The following TAF1C variants were observed in gnomAD, a reference collection of about 807,000 sequenced individuals.
TAF1C encodes TATA-box binding protein associated factor, RNA polymerase I subunit C, also known as TATA box-binding protein-associated factor RNA polymerase I subunit C.
TAF1C carries 79 observed loss-of-function variants against 70.5 expected under a neutral mutation model. The observed-to-expected ratio is 1.12, with a 90% confidence interval of 0.93 to 1.35. The LOEUF (loss-of-function observed/expected upper bound fraction) is 1.35. TAF1C is among the 40% of genes most tolerant of loss of function. TAF1C has a pLI of 0.00. For missense variants in TAF1C, 1,412 were observed against 1,127.8 expected (o/e 1.25, Z -3.61); for synonymous variants, 614 against 491.1 (o/e 1.25, Z -3.31).
At position 84,178,428 on chromosome 16, in the gene TAF1C, C is replaced by T. The variant is rs1337926860; in HGVS notation, c.*513G>A. The T allele has an allele frequency of 2.2e-6, 1 of 458,060 alleles. No homozygotes were observed. Among genetic ancestry groups the T allele is most frequent in the Admixed American group, 2.3e-5 (1 of 42,610 alleles). 28.4% of individuals were successfully genotyped at this position (458,060 alleles called of 1,614,324 possible). ...TTAGTCCCTGAACCTGGATCCAAGG[C>T]ATCTCCCTGTAGGAAACATCAGACC... On this transcript the variant is annotated 3_prime_UTR_variant, in exon 15 of 15. Transcript: ENST00000566732.
chr16:84,182,089 G>C lies in TAF1C; in HGVS notation c.722-31C>G. The C allele has an allele frequency of 1.9e-6, 3 of 1,605,782 alleles. No homozygotes were observed. The highest frequency in any genetic ancestry group is 1.7e-4 in the Middle Eastern group (1 of 6,024). ...CCTCTCACTAAGGATCAGTGCACGA[G>C]CTATGATCACTGCAAGCCCCCCAAA... On this transcript the variant is annotated intron_variant, in intron 7 of 14. Transcript: ENST00000566732. This position sits in a 1 kb window ranked among gnomAD's most constrained non-coding sequence, Gnocchi z 5.0.
At chr16:84,185,093 A>C in intron 1 of TAF1C, 33 bp from the exon 2 acceptor site, 1 of 1,376,380 alleles carries the variant, frequency 7.3e-7, no homozygotes, top group Non-Finnish European at 9.8e-7. Context: ...CGGGAAGCAT[A>C]TGTTCTTTGA....
Position 84,179,061 on chromosome 16 carries a change from G to A in TAF1C, c.2412C>T (p.Gly804=), listed in dbSNP as rs1597525709. 1.9e-6 allele frequency: 3 copies of A among 1,610,808 alleles called. No homozygotes were observed. Among genetic ancestry groups the A allele is most frequent in the Middle Eastern group, 3.3e-4 (2 of 6,056 alleles). ...AKLPPQRDTP[G]CATTPPHSQA... ...GGGAGTGGGGAGGTGTGGTGGCACA[G>A]CCTGGGGTGTCCCTCTGGGGTGGTA... Residue 804 remains glycine (G), a synonymous_variant, in exon 15 of 15, where the codon GGC becomes GGT. Transcript: ENST00000566732.
rs1470579518 is a variant in TAF1C at position 84,183,065 on chromosome 16, C to A, written c.482+11G>T. ...GCCTATCCATCTCCTCCTTTCTCAT[C>A]AGCCACTTGCCCCCAGGGCTGGTGT... On this transcript the variant is annotated intron_variant, in intron 6 of 14. Coordinates refer to ENST00000566732, the MANE Select transcript of TAF1C (RefSeq NM_001243156.2). The A allele has an allele frequency of 4.3e-6, 7 of 1,613,928 alleles. No homozygotes were observed. The highest frequency in any genetic ancestry group is 2.7e-5 in the African/African-American group (2 of 74,926).
rs1447521927 is a variant in TAF1C at position 84,179,289 on chromosome 16, G to C, written c.2184C>G (p.Thr728=). The C allele has an allele frequency of 1.3e-6, 2 of 1,592,824 alleles. No homozygotes were observed. Among genetic ancestry groups the C allele is most frequent in the Non-Finnish European group, 1.7e-6 (2 of 1,175,620 alleles). Residue 728 remains threonine, a synonymous_variant, in exon 15 of 15, where the codon ACC becomes ACG. Coordinates refer to ENST00000566732, the MANE Select transcript of TAF1C (RefSeq NM_001243156.2). The stretch of plus-strand genomic sequence containing the variant: ...TGAGCGAAAAGCTGCTGGACAGCTG[G>C]GTCCGGCGCTTGGGCCGCCTGGTCT... ...GRQTRRPKRR[T]QLSSSFSLSG... is the part of the protein sequence containing the mutation.
rs1240939729 is a variant in TAF1C at position 84,178,735 on chromosome 16, C to T, written c.*206G>A. On this transcript the variant is annotated 3_prime_UTR_variant, in exon 15 of 15. Transcript: ENST00000566732. ...CCTGCCTTGCGGGATGATCTTCAGG[C>T]GAATATACAAAATACAAAAGAAACT... is the stretch of plus-strand genomic sequence containing the variant. The T allele has an allele frequency of 2.0e-5, 12 of 612,848 alleles. No homozygotes were observed. The highest frequency in any genetic ancestry group is 4.4e-4 in the Middle Eastern group (1 of 2,272). The allele number at this position is 612,848 out of a possible 1,614,324, so 38.0% of individuals were successfully genotyped here. A position where few individuals can be genotyped will look rare whatever the true frequency, so the allele number is the denominator to read the frequency against.
chr16:84,179,994 G>C lies in TAF1C; in HGVS notation c.1573C>G (p.Pro525Ala). The C allele has an allele frequency of 1.9e-6, 3 of 1,612,462 alleles. No individual in the cohort carries two copies. The highest frequency in any genetic ancestry group is 2.5e-6 in the Non-Finnish European group (3 of 1,179,902). Residue 525 changes from proline to alanine, a missense_variant, in exon 14 of 15, where the codon CCT becomes GCT. Coordinates refer to ENST00000566732, the MANE Select transcript of TAF1C (RefSeq NM_001243156.2). ...DSLPAFPLLE[P>A]KIQWRLQERL... ...TCCTGCAGCCGCCACTGGATCTTAG[G>C]CTCCAGCAGAGGAAATGCAGGGAGG...
In TAF1C at chr16:84,183,197, T is replaced by A. The variant is rs1418902235; in HGVS notation, c.408+47A>T. 2.5e-6 allele frequency: 4 copies of A among 1,613,786 alleles called. No individual in the cohort carries two copies. The African/African-American group carries it at 4.0e-5, about 16-fold the overall frequency. On this transcript the variant is annotated intron_variant, in intron 5 of 14. Coordinates refer to ENST00000566732, the MANE Select transcript of TAF1C (RefSeq NM_001243156.2). ...GCTCACACACCCTCGAGTTCACCCC[T>A]GAAGGACAGCAGGGAGTCCCCACCC...
Position 84,183,277 on chromosome 16 carries a change from C to G in TAF1C, c.375G>C (p.Leu125=), listed in dbSNP as rs576077994. ...CCTCCAGCTTGAAATTCTCCAGCAT[C>G]AGCTTCCCCAGGGGCGCAAAGGCTA... ...GDVAFAPLGK[L]MLENFKLEGA... is the part of the protein sequence containing the mutation. The change falls in exon 5 of 15, where the codon CTG becomes CTC. Residue 125 remains leucine (L), a synonymous_variant. Transcript: ENST00000566732. The G allele has an allele frequency of 3.1e-6, 5 of 1,613,924 alleles. No homozygotes were observed. The highest frequency in any genetic ancestry group is 4.2e-6 in the Non-Finnish European group (5 of 1,180,046).
rs867567705 is a variant in TAF1C, at chr16:84,183,299, G to A, written c.353C>T (p.Ala118Val). ...SRFLLDHGDV[A>V]FAPLGKLMLE... The stretch of plus-strand genomic sequence containing the variant: ...CATCAGCTTCCCCAGGGGCGCAAAG[G>A]CTACGTCTCCATGATCCAAGAGGAA... Residue 118 changes from alanine (A) to valine (V), a missense_variant, in exon 5 of 15, where the codon GCC becomes GTC. Coordinates refer to ENST00000566732, the MANE Select transcript of TAF1C (RefSeq NM_001243156.2). 6.2e-7 allele frequency: 1 copy of A among 1,613,938 alleles called. No individual in the cohort carries two copies. Among genetic ancestry groups the A allele is most frequent in the Admixed American group, 1.7e-5 (1 of 60,012 alleles).
rs1374158967 is a variant in TAF1C, at chr16:84,184,972, G to C, written c.17C>G (p.Ser6Cys). 1.5e-5 allele frequency: 25 copies of C among 1,613,464 alleles called. No individual in the cohort carries two copies. The highest frequency in any genetic ancestry group is 2.0e-5 in the Non-Finnish European group (24 of 1,179,780). MDFPS[S>C]LRPALFLTGP... is the part of the protein sequence containing the mutation. ...GGTCAGAAACAATGCAGGGCGGAGG[G>C]AGCTGGGGAAGTCCATCCTGGAAAC... Residue 6 changes from serine (S) to cysteine (C), a missense_variant, in exon 2 of 15, where the codon TCC becomes TGC. Transcript: ENST00000566732.
rs746085316 is a variant in TAF1C at position 84,180,206 on chromosome 16, C to T, written c.1447G>A (p.Gly483Ser). ...PSCVQPLLLG[G>S]QGGQLQLLHL... Reference sequence around the variant, plus strand: ...AGCAGCTGCAGCTGCCCACCCTGGCCTCCGAGGAGCAGGGGCTGCACGCAG... The same window carrying T: ...AGCAGCTGCAGCTGCCCACCCTGGCTTCCGAGGAGCAGGGGCTGCACGCAG... The change falls in exon 13 of 15, where the codon GGC (glycine) becomes AGC (serine). Residue 483 changes from glycine (G) to serine (S), a missense_variant. Gly to Ser is a moderately conservative substitution (Grantham distance 56, BLOSUM62 0). Coordinates refer to ENST00000566732, the MANE Select transcript of TAF1C (RefSeq NM_001243156.2). 4 of 1,538,864 alleles carry T rather than the reference C, an allele frequency of 2.6e-6. No individual in the cohort carries two copies. Among genetic ancestry groups the T allele is most frequent in the Non-Finnish European group, 2.6e-6 (3 of 1,150,134 alleles).
At position 84,179,457 on chromosome 16, in the gene TAF1C, G is replaced by C. The variant is rs1222434985; in HGVS notation, c.2016C>G (p.Gly672=). 6.3e-7 allele frequency: 1 copy of C among 1,597,498 alleles called. No individual in the cohort carries two copies. Among genetic ancestry groups the C allele is most frequent in the Non-Finnish European group, 8.5e-7 (1 of 1,176,712 alleles). Reference sequence around the variant, plus strand: ...GGGGTGGCTCTGCCGCAGGGAGGGAGCCCAGGTCTCTCTGCAGCAGGAGCT... The same window carrying C: ...GGGGTGGCTCTGCCGCAGGGAGGGACCCCAGGTCTCTCTGCAGCAGGAGCT... ...RGQLLLQRDL[G]SLPAAEPPPA... Residue 672 remains glycine (G), a synonymous_variant, in exon 15 of 15, where the codon GGC becomes GGG. Transcript: ENST00000566732.
rs1008978514 is a variant in TAF1C at position 84,177,957 on chromosome 16, T to A, written c.*984A>T. The A allele has an allele frequency of 2.3e-6, 2 of 867,138 alleles. No homozygotes were observed. Among genetic ancestry groups the A allele is most frequent in the Non-Finnish European group, 3.8e-6 (2 of 528,532 alleles). The allele number at this position is 867,138 out of a possible 1,614,324, so 53.7% of individuals were successfully genotyped here. A position where few individuals can be genotyped will look rare whatever the true frequency, so the allele number is the denominator to read the frequency against. ...ATGATTGGGCTAGCTCCTGTTTGTG[T>A]GAGTCACATGCAATTCCTTTCACCA... On this transcript the variant is annotated 3_prime_UTR_variant, in exon 15 of 15. Coordinates refer to ENST00000566732, the MANE Select transcript of TAF1C (RefSeq NM_001243156.2).
At chr16:84,186,235 G>T (rs2089480853) in intron 1 of TAF1C, among the ~76,000 whole-genome samples, 1 of 152,186 alleles carries the variant, frequency 6.6e-6, no homozygotes, top group South Asian at 2.1e-4. Flanking sequence ...GCAAACGCTA[G>T]CATTAGAGTC....
chr16:84,181,998 C>G lies in TAF1C; in HGVS notation c.782G>C (p.Arg261Pro), dbSNP rs1308487521. The change falls in exon 8 of 15, where the codon CGC (arginine) becomes CCC (proline). Residue 261 changes from arginine (R) to proline (P), a missense_variant. Arg to Pro is a moderately radical substitution (Grantham distance 103, BLOSUM62 -2). Coordinates refer to ENST00000566732, the MANE Select transcript of TAF1C (RefSeq NM_001243156.2). ...DNPQFLGKPG[R>P]IQLQGPVRQV... ...CCGGACAGGTCCCTGGAGCTGGATGCGTCCAGGTTTCCCAAGGAATTGGGG... is the reference window on the plus strand; with the variant it reads ...CCGGACAGGTCCCTGGAGCTGGATGGGTCCAGGTTTCCCAAGGAATTGGGG... 1 of 1,613,590 alleles carries G rather than the reference C, an allele frequency of 6.2e-7. No homozygotes were observed. Among genetic ancestry groups the G allele is most frequent in the African/African-American group, 1.3e-5 (1 of 74,916 alleles).
chr16:84,183,289 G>T lies in TAF1C; in HGVS notation c.363C>A (p.Pro121=). 6.2e-7 allele frequency: 1 copy of T among 1,613,970 alleles called. No homozygotes were observed. Among genetic ancestry groups the T allele is most frequent in the Non-Finnish European group, 8.5e-7 (1 of 1,180,024 alleles). The change falls in exon 5 of 15, where the codon CCC becomes CCA. Residue 121 remains proline (P), a synonymous_variant. Coordinates refer to ENST00000566732, the MANE Select transcript of TAF1C (RefSeq NM_001243156.2). ...LLDHGDVAFA[P]LGKLMLENFK... ...AATTCTCCAGCATCAGCTTCCCCAGGGGCGCAAAGGCTACGTCTCCATGAT... is the reference window on the plus strand; with the variant it reads ...AATTCTCCAGCATCAGCTTCCCCAGTGGCGCAAAGGCTACGTCTCCATGAT...
chr16:84,183,691 C>A lies in TAF1C; in HGVS notation c.220+6G>T. ...TGGAGTGAGCCCGGGGGAATGAGAC[C>A]CTTACCGATGAGGGGAGGCAGCATG... On this transcript the variant is annotated splice_donor_region_variant and intron_variant, in intron 3 of 14. Transcript: ENST00000566732. 2.5e-6 allele frequency: 4 copies of A among 1,609,966 alleles called. No homozygotes were observed. Among genetic ancestry groups the A allele is most frequent in the Non-Finnish European group, 3.4e-6 (4 of 1,177,672 alleles).
intron 13 of TAF1C, 43 bp downstream of exon 13, chr16:84,180,127 G>A (rs773953278): frequency 7.7e-6 from 12 of 1,564,358 alleles, no homozygotes; most frequent in Middle Eastern, 1.7e-4. Context: ...GGCCCCGACC[G>A]CCCCATCTCC....
Sources: allele counts gnomAD v4.1 joint callset (sites outside exome capture counted in the v4.1 genomes callset), GRCh38; gene constraint gnomAD v4.1.1; non-coding constraint Gnocchi (gnomAD v3.1); transcripts MANE v1.5; gene names NCBI Gene and HGNC (gene_info 2026-07-23, HGNC 2026-07-21).